Variants in CENPF observed in about 807,000 individuals in gnomAD.
CENPF encodes centromere protein F.
In CENPF, 214 loss-of-function variants were observed where a neutral mutation model predicts 307.3. The observed-to-expected ratio is 0.70, with a 90% CI of 0.62 to 0.78. The LOEUF (loss-of-function observed/expected upper bound fraction) is 0.78, where lower values mean the gene tolerates loss of function less well. Ranked by LOEUF, CENPF falls within the 30% of genes least tolerant of loss-of-function variation. The pLI is 0.00. For synonymous variants in CENPF, 1,259 were observed against 1,270.6 expected (o/e 0.99, Z 0.19); for missense variants, 3,401 against 3,483.9 (o/e 0.98, Z 0.60).
At chr1:214,608,860 A>AG in intron 1 of CENPF, 1 of 1,516,170 alleles carries the variant, frequency 6.6e-7, no homozygotes, top group South Asian at 1.2e-5. Context: ...CGCCCGGGCC[A>AG]GGCCCCCACC....
chr1:214,652,694 T>C (rs1173905394), intron 15 of CENPF, 134 bp from the exon 16 acceptor site: 3 of 642,446 alleles, frequency 4.7e-6, no homozygotes, highest in East Asian at 3.2e-5. Flanking sequence ...CTGCCCACCT[T>C]GGCCTCCCAA....
chr1:214,604,518 T>C (rs190737792), intron 1 of CENPF, among the ~76,000 whole-genome samples: 2 of 152,338 alleles, frequency 1.3e-5, no homozygotes, highest in East Asian at 3.9e-4. Flanking sequence ...TCTTAGACTT[T>C]GGAATGGAAA....
chr1:214,618,545 G>T (rs1657419640), intron 3 of CENPF, 28 bp from the exon 4 acceptor site: 1 of 1,611,266 alleles, frequency 6.2e-7, no homozygotes, highest in African/African-American at 1.3e-5. Context: ...TAACTGATTT[G>T]TCTGCCTCTT....
At chr1:214,608,350 G>T in intron 1 of CENPF, 1 of 1,610,566 alleles carries the variant, frequency 6.2e-7, no homozygotes, top group South Asian at 1.1e-5. Context: ...GTCGATGTCG[G>T]CATAGAGGTT....
At chr1:214,663,510 CTT>C in intron 19 of CENPF, 79 bp from the exon 20 acceptor site, 1 of 1,357,496 alleles carries the variant, frequency 7.4e-7, no homozygotes, top group Non-Finnish European at 1.0e-6. Flanking sequence ...TAATTTAAAA[CTT>C]AGTGACATAG....
chr1:214,633,781 C>T (rs535174742), intron 10 of CENPF, among the ~76,000 whole-genome samples: 4 of 152,204 alleles, frequency 2.6e-5, no homozygotes, highest in Admixed American at 6.5e-5. Context: ...CATCAGCAAA[C>T]GTTTTCAAAT....
intron 10 of CENPF, among the ~76,000 whole-genome samples, chr1:214,635,092 A>G (rs1474948007): frequency 6.6e-6 from 1 of 152,248 alleles, no homozygotes; most frequent in Non-Finnish European, 1.5e-5. Flanking sequence ...TTGACAGTCA[A>G]GATGAGGGAA....
At chr1:214,624,608 T>C (rs1367848033) in intron 7 of CENPF, among the ~76,000 whole-genome samples, 1 of 152,208 alleles carries the variant, frequency 6.6e-6, no homozygotes, top group Non-Finnish European at 1.5e-5. Context: ...ATTTCTGATG[T>C]TGGTAATTTG....
At chr1:214,623,755 AAC>A (rs1451631592) in intron 7 of CENPF, among the ~76,000 whole-genome samples, 1 of 152,200 alleles carries the variant, frequency 6.6e-6, no homozygotes, top group East Asian at 1.9e-4. Context: ...CTGGGGCTGG[AAC>A]AGTGATAAAC....
chr1:214,638,512 A>G (rs1658020479), intron 11 of CENPF, among the ~76,000 whole-genome samples: 1 of 152,228 alleles, frequency 6.6e-6, no homozygotes, highest in Non-Finnish European at 1.5e-5. Context: ...CTACACATCA[A>G]ATGAATCCAC....
In CENPF at chr1:214,640,817, A is replaced by G. The variant is rs773189007; in HGVS notation, c.2479A>G (p.Ile827Val). ...EADQSPKNSAILQNRVDSLEF... is the reference protein window; with the variant it reads ...EADQSPKNSAVLQNRVDSLEF... ...AGACCAAAGTCCGAAAAATTCTGCCATCCTACAAAATAGAGTTGATTCACT... is the reference window on the plus strand; with the variant it reads ...AGACCAAAGTCCGAAAAATTCTGCCGTCCTACAAAATAGAGTTGATTCACT... The change falls in exon 12 of 20, where the codon ATC (isoleucine) becomes GTC (valine). Residue 827 changes from isoleucine to valine, a missense_variant. Transcript: ENST00000366955. The G allele has an allele frequency of 1.2e-6, 2 of 1,606,414 alleles. No homozygotes were observed. Among genetic ancestry groups the G allele is most frequent in the South Asian group, 1.1e-5 (1 of 89,536 alleles).
chr1:214,631,787 G>A lies in CENPF; in HGVS notation c.1324-693G>A, dbSNP rs541631181. On this transcript the variant is annotated intron_variant, in intron 9 of 19. Transcript: ENST00000366955. Reference sequence around the variant, plus strand: ...AGTGCTGGGATTACAGGCATGAGCCGCCCTGCCTGGGCAGCATCCTAACAT... The same window carrying A: ...AGTGCTGGGATTACAGGCATGAGCCACCCTGCCTGGGCAGCATCCTAACAT... 4.6e-5 allele frequency among the ~76,000 whole-genome samples: 7 copies of A among 152,192 alleles called. No homozygotes were observed. The East Asian group carries it at 9.7e-4, about 21-fold the overall frequency.
chr1:214,608,855 G>C (rs971001773), intron 1 of CENPF: 7 of 1,532,590 alleles, frequency 4.6e-6, no homozygotes, highest in South Asian at 2.4e-5. Context: ...GGCGCCGCCC[G>C]GGCCAGGCCC....
At chr1:214,662,749 T>C (rs1382376613) in intron 19 of CENPF, among the ~76,000 whole-genome samples, 2 of 152,090 alleles carry the variant, frequency 1.3e-5, no homozygotes, top group Non-Finnish European at 2.9e-5. Flanking sequence ...TTTTTTCTCT[T>C]TTTTGACCGT....
chr1:214,624,363 A>G lies in CENPF; in HGVS notation c.1068+2082A>G, dbSNP rs1258946783. ...GTGTAGAATTTTTTTTTCTTTCTTT[A>G]TATATTAAGTAGAATTCTCTAGTGA... is the stretch of plus-strand genomic sequence containing the variant. On this transcript the variant is annotated intron_variant, in intron 7 of 19. Coordinates refer to ENST00000366955, the MANE Select transcript of CENPF (RefSeq NM_016343.4). Among the ~76,000 whole-genome samples, 7 of 151,558 alleles carry G rather than the reference A, an allele frequency of 4.6e-5. No individual in the cohort carries two copies. In the East Asian group the frequency reaches 1.4e-3, roughly 29 times the overall value.
At chr1:214,616,040 T>G (rs1037481147) in intron 3 of CENPF, among the ~76,000 whole-genome samples, 3 of 152,124 alleles carry the variant, frequency 2.0e-5, no homozygotes, top group Non-Finnish European at 4.4e-5. Context: ...TGTCACTGAT[T>G]AGGTTTCTGG....
intron 10 of CENPF, among the ~76,000 whole-genome samples, chr1:214,633,406 A>T (rs1657863746): frequency 6.6e-6 from 1 of 152,236 alleles, no homozygotes; most frequent in African/African-American, 2.4e-5. Context: ...GAGAGCCATA[A>T]ATCAACATTG....
Position 214,630,614 on chromosome 1 carries a change from A to G in CENPF, c.1275A>G (p.Leu425=). The G allele has an allele frequency of 6.2e-7, 1 of 1,614,188 alleles. No individual in the cohort carries two copies. The highest frequency in any genetic ancestry group is 1.1e-5 in the South Asian group (1 of 91,078). ...IQMKARLTQE[L]QQAKNMHNVL... is the part of the protein sequence containing the mutation. ...TGAAGGCCAGACTCACCCAGGAGTTACAGCAAGCCAAGAATATGCACAACG... is the reference window on the plus strand; with the variant it reads ...TGAAGGCCAGACTCACCCAGGAGTTGCAGCAAGCCAAGAATATGCACAACG... Residue 425 remains leucine (L), a synonymous_variant, in exon 9 of 20, where the codon TTA becomes TTG. Coordinates refer to ENST00000366955, the MANE Select transcript of CENPF (RefSeq NM_016343.4).
At chr1:214,649,173 T>A (rs1252617148) in intron 14 of CENPF, among the ~76,000 whole-genome samples, 3 of 152,186 alleles carry the variant, frequency 2.0e-5, no homozygotes, top group Non-Finnish European at 4.4e-5. Flanking sequence ...TGCCACAGAT[T>A]ACAGGGTGGA....
Sources: allele counts gnomAD v4.1 joint callset (sites outside exome capture counted in the v4.1 genomes callset), GRCh38; gene constraint gnomAD v4.1.1; transcripts MANE v1.5; gene names NCBI Gene and HGNC (gene_info 2026-07-23, HGNC 2026-07-21).